CTNND2: variants seen among roughly 807,000 people sequenced by gnomAD.
The protein encoded by CTNND2 is catenin delta 2, also known as catenin delta-2.
Under a neutral mutation model 144.4 loss-of-function variants are expected in CTNND2, and 22 were observed. That is an observed-to-expected ratio of 0.15 (90% CI 0.11 to 0.22). The LOEUF is 0.22. Among genes scored for constraint, CTNND2 ranks in the 10% least tolerant of loss-of-function variants. The probability of loss-of-function intolerance (pLI) is 1.00; values close to 1 mark genes in which losing one functional copy is unlikely to be tolerated. For missense variants in CTNND2, 1,353 were observed against 1,618.8 expected, an observed-to-expected ratio of 0.84 and a Z score of 2.82; for synonymous variants, 751 against 695.6, an observed-to-expected ratio of 1.08 and a Z score of -1.25.
chr5:11,281,018 T>C (rs1246419600), intron 9 of CTNND2, among the ~76,000 whole-genome samples: 1 of 152,190 alleles, frequency 6.6e-6, no homozygotes, highest in African/African-American at 2.4e-5. Context: ...AAGATCAGAC[T>C]TCACCTTCTT....
At chr5:11,382,849 G>GCC (rs1758654541) in intron 7 of CTNND2, among the ~76,000 whole-genome samples, 1 of 152,072 alleles carries the variant, frequency 6.6e-6, no homozygotes, top group African/African-American at 2.4e-5. Context: ...ATCAGGCATG[G>GCC]AGGTCTTGGA....
chr5:11,435,529 T>C (rs1298727051), intron 3 of CTNND2, among the ~76,000 whole-genome samples: 3 of 152,132 alleles, frequency 2.0e-5, no homozygotes, highest in African/African-American at 4.8e-5. Context: ...TCTGGTGTCA[T>C]AGGGCAAAAG....
In CTNND2 at chr5:11,131,750, T is replaced by C. The variant is rs181000944; in HGVS notation, c.2160-14183A>G. 3.0e-3 allele frequency among the ~76,000 whole-genome samples: 451 copies of C among 152,218 alleles called. 3 individuals are homozygous for C. Among genetic ancestry groups the C allele is most frequent in the African/African-American group, 9.5e-3 (395 of 41,534 alleles). Reference sequence around the variant, plus strand: ...CTTGCAGTGAGCTGAGATGGCACCATTGCACTCCAGCCTGGGCGATAGAGC... The same window carrying C: ...CTTGCAGTGAGCTGAGATGGCACCACTGCACTCCAGCCTGGGCGATAGAGC... On this transcript the variant is annotated intron_variant, in intron 12 of 21. Transcript: ENST00000304623.
intron 1 of CTNND2, among the ~76,000 whole-genome samples, chr5:11,884,155 T>G (rs1007349436): frequency 1.3e-5 from 2 of 152,182 alleles, no homozygotes; most frequent in Non-Finnish European, 1.5e-5. Context: ...TCGTTTCTTT[T>G]GTTGTACAGA....
chr5:11,848,799 A>G (rs1794876087), intron 1 of CTNND2, among the ~76,000 whole-genome samples: 1 of 152,122 alleles, frequency 6.6e-6, no homozygotes, highest in South Asian at 2.1e-4. Context: ...CCTAGGTCAG[A>G]ATATTTCTTT....
chr5:11,539,216 C>T (rs530049783), intron 3 of CTNND2, among the ~76,000 whole-genome samples: 2 of 152,194 alleles, frequency 1.3e-5, no homozygotes, highest in South Asian at 2.1e-4. Context: ...AAGTCAAGAG[C>T]GTTCTTTGAT....
At chr5:11,657,467 C>T (rs375801004) in intron 2 of CTNND2, among the ~76,000 whole-genome samples, 6 of 152,082 alleles carry the variant, frequency 3.9e-5, no homozygotes, top group African/African-American at 1.4e-4. Flanking sequence ...GTTTCTCTCT[C>T]CTTCCTGCCT....
intron 3 of CTNND2, among the ~76,000 whole-genome samples, chr5:11,532,957 G>A (rs1773884173): frequency 6.6e-6 from 1 of 152,178 alleles, no homozygotes; most frequent in African/African-American, 2.4e-5. Flanking sequence ...CAATTCAGAG[G>A]AGAATGTGAA....
intron 1 of CTNND2, among the ~76,000 whole-genome samples, chr5:11,771,238 C>T (rs1789917349): frequency 7.4e-6 from 1 of 135,338 alleles, no homozygotes; most frequent in Non-Finnish European, 1.5e-5. Flanking sequence ...GTCTCCCAGG[C>T]TGGAGTGCAG....
intron 9 of CTNND2, among the ~76,000 whole-genome samples, chr5:11,253,903 C>T (rs1743930435): frequency 6.6e-6 from 1 of 152,126 alleles, no homozygotes; most frequent in Admixed American, 6.6e-5. Context: ...AGGTCTGATA[C>T]AAAACACCTA....
chr5:11,471,406 AG>A (rs1285696371), intron 3 of CTNND2, among the ~76,000 whole-genome samples: 4 of 152,348 alleles, frequency 2.6e-5, no homozygotes, highest in African/African-American at 9.6e-5. Context: ...GAATTAAAAA[AG>A]TTTCTTCGAT....
chr5:11,358,398 G>A (rs905694654), intron 8 of CTNND2, among the ~76,000 whole-genome samples: 3 of 152,070 alleles, frequency 2.0e-5, no homozygotes, highest in African/African-American at 4.8e-5. Context: ...GACATTTATC[G>A]TTGGGTTGAT....
chr5:11,159,682 C>G lies in CTNND2; in HGVS notation c.2053G>C (p.Ala685Pro). ...IQDALAVLTN[A>P]VIIPHSGWEN... ...CAGCCTGAGTGGGGGATAATCACCG[C>G]GTTGGTCAGTACTGCTAGGGCATCC... Residue 685 changes from alanine (A) to proline (P), a missense_variant, in exon 12 of 22, where the codon GCG becomes CCG. Physicochemically the swap from Ala to Pro is conservative, Grantham distance 27 (BLOSUM62 -1). Around this residue, in one of 4 missense-constraint regions of CTNND2, gnomAD observed 117 missense variants for 117.8 expected, o/e 0.99. Transcript: ENST00000304623. 1 of 1,613,352 alleles carries G rather than the reference C, an allele frequency of 6.2e-7. No homozygotes were observed. The highest frequency in any genetic ancestry group is 8.5e-7 in the Non-Finnish European group (1 of 1,179,696).
chr5:11,443,568 CT>C (rs57271884), intron 3 of CTNND2, among the ~76,000 whole-genome samples: 47 of 152,206 alleles, frequency 3.1e-4, no homozygotes, highest in African/African-American at 1.1e-3. Flanking sequence ...GTTATCTTTA[CT>C]TTCTTCTCTA....
At chr5:11,459,482 T>A (rs1055218113) in intron 3 of CTNND2, among the ~76,000 whole-genome samples, 8 of 152,218 alleles carry the variant, frequency 5.3e-5, no homozygotes, top group Non-Finnish European at 2.9e-5. Context: ...TAAAGATAAT[T>A]GCTTGTTCTG....
chr5:11,224,579 T>C (rs1428228783), intron 10 of CTNND2, among the ~76,000 whole-genome samples: 1 of 152,330 alleles, frequency 6.6e-6, no homozygotes, highest in Non-Finnish European at 1.5e-5. Context: ...TTCTTTTTCT[T>C]TGTGCTGACC....
chr5:11,445,481 T>G (rs1254607941), intron 3 of CTNND2, among the ~76,000 whole-genome samples: 1 of 152,206 alleles, frequency 6.6e-6, no homozygotes, highest in African/African-American at 2.4e-5. Context: ...CTCCTGCAAC[T>G]GTGAGAGTAT....
At chr5:11,714,804 G>A (rs552772305) in intron 2 of CTNND2, among the ~76,000 whole-genome samples, 27 of 151,858 alleles carry the variant, frequency 1.8e-4, no homozygotes, top group Non-Finnish European at 3.4e-4. Flanking sequence ...AGCTACTCGG[G>A]AGGCTGAAGC....
rs554789644 is a variant in CTNND2, at chr5:11,885,233, A to T, written c.37+18584T>A. ...CAATTTTTTGGACTAGCTTAAAAAGAATTGATATTTGTTTTTTAAAAGTTT... is the reference window on the plus strand; with the variant it reads ...CAATTTTTTGGACTAGCTTAAAAAGTATTGATATTTGTTTTTTAAAAGTTT... On this transcript the variant is annotated intron_variant, in intron 1 of 21. Transcript: ENST00000304623. 2.2e-4 allele frequency among the ~76,000 whole-genome samples: 33 copies of T among 152,256 alleles called. 1 individual carries two copies. Among genetic ancestry groups the T allele is most frequent in the Middle Eastern group, 6.8e-3 (2 of 294 alleles).
Sources: gnomAD v4.1 joint callset for allele counts (sites outside exome capture counted in the v4.1 genomes callset) on GRCh38, gnomAD v4.1.1 for gene constraint, gnomAD v4.1.1 regional missense constraint, MANE v1.5 for transcripts, NCBI Gene and HGNC (gene_info 2026-07-23, HGNC 2026-07-21) for gene names.